Variants in GRM1 observed in about 807,000 individuals in gnomAD.
GRM1 encodes the protein glutamate metabotropic receptor 1.
A neutral mutation model predicts 90.9 loss-of-function variants in GRM1; 33 were observed. The observed-to-expected ratio is 0.36, with a 90% confidence interval of 0.28 to 0.49. GRM1 has a LOEUF of 0.49. Ranked by LOEUF, GRM1 falls within the 20% of genes least tolerant of loss-of-function variation. The probability of loss-of-function intolerance (pLI) is 0.99; values close to 1 mark genes in which losing one functional copy is unlikely to be tolerated. For missense variants in GRM1, 1,190 were observed against 1,534.3 expected (o/e 0.78, Z 3.75); for synonymous variants, 700 against 613.2 (o/e 1.14, Z -2.09).
At chr6:146,077,485 T>G (rs1385727836) in intron 1 of GRM1, among the ~76,000 whole-genome samples, 1 of 152,134 alleles carries the variant, frequency 6.6e-6, no homozygotes, top group East Asian at 1.9e-4. Flanking sequence ...AGACAGACAT[T>G]TTCCTCAACA....
chr6:146,223,601 AT>A (rs1046713859), intron 2 of GRM1, among the ~76,000 whole-genome samples: 1 of 151,852 alleles, frequency 6.6e-6, no homozygotes, highest in Admixed American at 6.6e-5. Context: ...AAAAATGCCA[AT>A]TTTTTTTCAG....
At chr6:146,174,346 G>A (rs1778255937) in intron 2 of GRM1, among the ~76,000 whole-genome samples, 1 of 152,008 alleles carries the variant, frequency 6.6e-6, no homozygotes, top group South Asian at 2.1e-4. Flanking sequence ...TTCTAATAGA[G>A]AAATATGAAT....
chr6:146,125,996 C>T (rs1041430068), intron 1 of GRM1, among the ~76,000 whole-genome samples: 10 of 151,910 alleles, frequency 6.6e-5, no homozygotes, highest in Admixed American at 2.6e-4. Flanking sequence ...AAAATTCTGA[C>T]GAAGTGATAT....
chr6:146,358,683 G>A (rs993594846), intron 5 of GRM1, among the ~76,000 whole-genome samples: 2 of 152,168 alleles, frequency 1.3e-5, no homozygotes, highest in East Asian at 1.9e-4. Context: ...CCCAGGGCAA[G>A]AATCCAGTCA....
intron 3 of GRM1, among the ~76,000 whole-genome samples, chr6:146,312,356 A>C (rs1213941008): frequency 6.9e-6 from 1 of 145,294 alleles, no homozygotes; most frequent in Non-Finnish European, 1.5e-5. Context: ...TCTCAAAAAA[A>C]AAAAAAAAAA....
intron 2 of GRM1, among the ~76,000 whole-genome samples, chr6:146,221,612 T>A (rs1407441345): frequency 4.6e-5 from 7 of 152,200 alleles, no homozygotes; most frequent in African/African-American, 1.7e-4. Context: ...GCATTTGGGT[T>A]GGTTCTAAGT....
chr6:146,232,636 T>C (rs1780486888), intron 2 of GRM1, among the ~76,000 whole-genome samples: 1 of 152,032 alleles, frequency 6.6e-6, no homozygotes, highest in Admixed American at 6.6e-5. Flanking sequence ...ATTCTTCTAG[T>C]TTTTTGTACA....
At chr6:146,191,424 T>A (rs980520668) in intron 2 of GRM1, among the ~76,000 whole-genome samples, 6 of 152,138 alleles carry the variant, frequency 3.9e-5, no homozygotes, top group Non-Finnish European at 7.4e-5. Flanking sequence ...CGGTGATTCC[T>A]CTCTGTTTAA....
At chr6:146,117,154 A>AT (rs1434485110) in intron 1 of GRM1, among the ~76,000 whole-genome samples, 4 of 148,104 alleles carry the variant, frequency 2.7e-5, no homozygotes, top group African/African-American at 1.0e-4. Context: ...TTATTTATTT[A>AT]TTTATTTTTT....
At chr6:146,386,868 TC>T (rs756221213) in intron 5 of GRM1, 21 bp from the exon 6 acceptor site, 1 of 1,592,414 alleles carries the variant, frequency 6.3e-7, no homozygotes, top group Non-Finnish European at 8.6e-7. Context: ...TCTTTAAAAT[TC>T]ATGAAATATC....
At chr6:146,235,862 A>T (rs1429653784) in intron 2 of GRM1, among the ~76,000 whole-genome samples, 1 of 151,616 alleles carries the variant, frequency 6.6e-6, no homozygotes, top group Non-Finnish European at 1.5e-5. Context: ...CCCTTTACAT[A>T]TGTATCATCA....
At chr6:146,202,696 C>G (rs1779340313) in intron 2 of GRM1, among the ~76,000 whole-genome samples, 3 of 152,318 alleles carry the variant, frequency 2.0e-5, no homozygotes, top group East Asian at 3.9e-4. Context: ...AGCACTCTCA[C>G]TGGTCAGCTG....
intron 2 of GRM1, among the ~76,000 whole-genome samples, chr6:146,289,395 A>G (rs1047422958): frequency 6.6e-6 from 1 of 152,210 alleles, no homozygotes; most frequent in Admixed American, 6.5e-5. Flanking sequence ...AGATATAAAA[A>G]ATTTTTATAT....
chr6:146,257,627 G>T (rs9497513), intron 2 of GRM1, among the ~76,000 whole-genome samples: 6,278 of 152,012 alleles, frequency 0.041, 423 homozygotes, highest in African/African-American at 0.14. Flanking sequence ...TCCATGTTCC[G>T]CTATCTACGA....
At chr6:146,048,749 A>T (rs1257953738) in intron 1 of GRM1, among the ~76,000 whole-genome samples, 2 of 152,050 alleles carry the variant, frequency 1.3e-5, no homozygotes, top group Non-Finnish European at 2.9e-5. Context: ...CAATTTGAAG[A>T]TGAAGACGGA....
chr6:146,170,251 C>G (rs1778061853), intron 2 of GRM1, among the ~76,000 whole-genome samples: 1 of 152,026 alleles, frequency 6.6e-6, no homozygotes, highest in Admixed American at 6.6e-5. Flanking sequence ...CCTTAATCTT[C>G]TTGTGTTTAT....
chr6:146,139,872 G>GTTCCT (rs1776772104), intron 1 of GRM1, among the ~76,000 whole-genome samples: 1 of 110,044 alleles, frequency 9.1e-6, no homozygotes, highest in Admixed American at 9.3e-5. Flanking sequence ...TGGTTGCTTT[G>GTTCCT]TTCCCTTCCC....
chr6:146,160,150 G>A (rs1387294463), intron 2 of GRM1, among the ~76,000 whole-genome samples: 1 of 152,162 alleles, frequency 6.6e-6, no homozygotes, highest in Non-Finnish European at 1.5e-5. Flanking sequence ...AAGGACAGCA[G>A]TGAAAATGGA....
intron 2 of GRM1, among the ~76,000 whole-genome samples, chr6:146,170,679 C>G (rs1200855840): frequency 6.6e-6 from 1 of 151,608 alleles, no homozygotes; most frequent in South Asian, 2.1e-4. Context: ...TCATTATATC[C>G]TTTTTTTTAC....
Sources: gnomAD v4.1 joint callset for allele counts (sites outside exome capture counted in the v4.1 genomes callset) on GRCh38, gnomAD v4.1.1 for gene constraint, MANE v1.5 for transcripts, NCBI Gene and HGNC (gene_info 2026-07-23, HGNC 2026-07-21) for gene names.